Variants in PUS7 observed in about 807,000 individuals in gnomAD.
PUS7 encodes the protein pseudouridine synthase 7.
In PUS7, 48 loss-of-function variants were observed where a neutral mutation model predicts 79.8. The observed-to-expected ratio is 0.60, with a 90% CI of 0.48 to 0.76. The LOEUF (loss-of-function observed/expected upper bound fraction) is 0.76, where lower values mean the gene tolerates loss of function less well. PUS7 is among the 30% of genes least tolerant of loss of function. PUS7 has a pLI of 0.00. For missense variants in PUS7, 729 were observed against 797.6 expected (o/e 0.91, Z 1.04); for synonymous variants, 286 against 272.2 (o/e 1.05, Z -0.50).
chr7:105,506,907 T>C (rs1409861609), intron 2 of PUS7, among the ~76,000 whole-genome samples: 1 of 152,188 alleles, frequency 6.6e-6, no homozygotes, highest in Non-Finnish European at 1.5e-5. Context: ...ATATGCTATA[T>C]GGTTAATTGA....
chr7:105,503,921 C>T (rs1825353521), intron 4 of PUS7, among the ~76,000 whole-genome samples: 2 of 152,208 alleles, frequency 1.3e-5, no homozygotes, highest in Admixed American at 6.6e-5. Flanking sequence ...GCCTGAGCCA[C>T]TGTGCCCAGC....
At chr7:105,512,514 G>C (rs1825742723) in intron 1 of PUS7, among the ~76,000 whole-genome samples, 2 of 152,194 alleles carry the variant, frequency 1.3e-5, no homozygotes, top group African/African-American at 2.4e-5. Flanking sequence ...ATAAGGAAGA[G>C]GAAGGAAAAG....
At chr7:105,469,872 C>A (rs891280224) in intron 11 of PUS7, among the ~76,000 whole-genome samples, 29 of 152,202 alleles carry the variant, frequency 1.9e-4, no homozygotes, top group African/African-American at 6.8e-4. Flanking sequence ...GGATTACAGG[C>A]ATGAGCCACC....
chr7:105,470,752 T>G lies in PUS7; in HGVS notation c.1334A>C (p.Glu445Ala). The change falls in exon 11 of 16, where the codon GAA (glutamate) becomes GCA (alanine). Residue 445 changes from glutamate (E) to alanine (A), a missense_variant. By Grantham distance (107) the Glu-to-Ala change is moderately radical. Coordinates refer to ENST00000469408, the MANE Select transcript of PUS7 (RefSeq NM_019042.5). ...TGAAAGTCCTCGAAGCAGCTGCCCTTCCACACACCTTTTGACAGGTAGTTT... is the reference window on the plus strand; with the variant it reads ...TGAAAGTCCTCGAAGCAGCTGCCCTGCCACACACCTTTTGACAGGTAGTTT... ...LRKLPVKRCV[E>A]GQLLRGLSKY... 6.2e-7 allele frequency: 1 copy of G among 1,612,652 alleles called. No individual in the cohort carries two copies. Among genetic ancestry groups the G allele is most frequent in the Non-Finnish European group, 8.5e-7 (1 of 1,178,816 alleles).
At chr7:105,492,052 CAAA>C (rs368940149) in intron 6 of PUS7, among the ~76,000 whole-genome samples, 63 of 117,166 alleles carry the variant, frequency 5.4e-4, no homozygotes, top group South Asian at 3.6e-3. Flanking sequence ...GACTCCGTCT[CAAA>C]AAAAAAAAAA....
At chr7:105,475,493 T>C (rs1436490622) in intron 9 of PUS7, among the ~76,000 whole-genome samples, 1 of 151,956 alleles carries the variant, frequency 6.6e-6, no homozygotes, top group Admixed American at 6.6e-5. Flanking sequence ...CCATTTTTTT[T>C]GTATTTTTTT....
chr7:105,510,432 A>G (rs1375135901), intron 1 of PUS7, among the ~76,000 whole-genome samples: 1 of 152,234 alleles, frequency 6.6e-6, no homozygotes, highest in Non-Finnish European at 1.5e-5. Context: ...TAGTTCTGCA[A>G]GATGAAAAGT....
intron 12 of PUS7, among the ~76,000 whole-genome samples, chr7:105,467,277 A>C (rs1261611839): frequency 7.5e-6 from 1 of 133,122 alleles, no homozygotes; most frequent in African/African-American, 2.7e-5. Flanking sequence ...ATTCTATTTG[A>C]GTTTGAAGAA....
chr7:105,511,401 G>A (rs968170440), intron 1 of PUS7, among the ~76,000 whole-genome samples: 4 of 150,700 alleles, frequency 2.7e-5, no homozygotes, highest in African/African-American at 9.8e-5. Flanking sequence ...CTTGAAGTAT[G>A]GTCTTGGAGC....
chr7:105,502,850 A>C (rs1825310793), intron 4 of PUS7, among the ~76,000 whole-genome samples: 1 of 152,028 alleles, frequency 6.6e-6, no homozygotes, highest in Admixed American at 6.6e-5. Flanking sequence ...CAGGCTCACA[A>C]CACCAAGCCT....
chr7:105,457,968 T>C, intron 15 of PUS7, 42 bp from the exon 16 acceptor site: 1 of 1,599,670 alleles, frequency 6.3e-7, no homozygotes, highest in Non-Finnish European at 8.5e-7. Context: ...TGAAGGCAGC[T>C]GCAGACAGAC....
intron 10 of PUS7, 104 bp from the exon 11 acceptor site, chr7:105,470,952 A>T: frequency 7.9e-7 from 1 of 1,270,280 alleles, no homozygotes; most frequent in Non-Finnish European, 1.1e-6. Flanking sequence ...ATGCTACTTG[A>T]AATATAGGTG....
intron 9 of PUS7, among the ~76,000 whole-genome samples, chr7:105,477,251 TTTA>T (rs1824150587): frequency 6.6e-6 from 1 of 152,078 alleles, no homozygotes; most frequent in African/African-American, 2.4e-5. Context: ...TTTATTTTAT[TTTA>T]TTATTTTTTT....
At chr7:105,510,284 G>A (rs928129908) in intron 1 of PUS7, among the ~76,000 whole-genome samples, 4 of 151,166 alleles carry the variant, frequency 2.6e-5, no homozygotes, top group African/African-American at 9.7e-5. Context: ...TGGGCAACAA[G>A]AGCAAAACTC....
chr7:105,520,320 G>A (rs191665329), intron 1 of PUS7, among the ~76,000 whole-genome samples: 20,856 of 151,932 alleles, frequency 0.14, 1,852 homozygotes, highest in South Asian at 0.26. Context: ...TTAGCCGGGC[G>A]TGGTGGCGGG....
At chr7:105,505,416 C>G (rs967777177) in intron 4 of PUS7, among the ~76,000 whole-genome samples, 1 of 152,138 alleles carries the variant, frequency 6.6e-6, no homozygotes, top group Non-Finnish European at 1.5e-5. Context: ...ACTTCCTTTC[C>G]CCATTTCCTC....
chr7:105,482,483 A>G (rs1193955836), intron 7 of PUS7, 43 bp from the exon 8 acceptor site: 2 of 1,544,502 alleles, frequency 1.3e-6, no homozygotes, highest in African/African-American at 1.4e-5. Flanking sequence ...AAAAGAGTAG[A>G]AAGAGGATCA....
chr7:105,478,389 T>C (rs973997440), intron 9 of PUS7, among the ~76,000 whole-genome samples: 1 of 152,174 alleles, frequency 6.6e-6, no homozygotes, highest in Non-Finnish European at 1.5e-5. Flanking sequence ...TGAGGAACTG[T>C]CAGACTATTT....
chr7:105,482,820 T>TA (rs1290049484), intron 7 of PUS7, among the ~76,000 whole-genome samples: 2 of 151,938 alleles, frequency 1.3e-5, no homozygotes, highest in South Asian at 2.1e-4. Context: ...ATCAAGCATT[T>TA]AAAAAAAGGT....
Sources: gnomAD v4.1 joint callset for allele counts (sites outside exome capture counted in the v4.1 genomes callset) on GRCh38, gnomAD v4.1.1 for gene constraint, MANE v1.5 for transcripts, NCBI Gene and HGNC (gene_info 2026-07-23, HGNC 2026-07-21) for gene names.